NCOR2: variants seen among roughly 807,000 people sequenced by gnomAD.
The protein encoded by NCOR2 is nuclear receptor corepressor 2, also known as CTG repeat protein 26.
Under a neutral mutation model 262.9 loss-of-function variants are expected in NCOR2, and 81 were observed. That is an observed-to-expected ratio of 0.31 (90% CI 0.26 to 0.37). The LOEUF (loss-of-function observed/expected upper bound fraction) is 0.37, where lower values mean the gene tolerates loss of function less well. NCOR2 is among the 10% of genes least tolerant of loss of function. NCOR2 has a pLI of 1.00. For missense variants in NCOR2, 3,385 were observed against 3,621.4 expected (o/e 0.93, Z 1.68); for synonymous variants, 1,659 against 1,559.3 (o/e 1.06, Z -1.51).
intron 28 of NCOR2, chr12:124,348,782 G>A (rs1170864312): frequency 5.7e-6 from 1 of 175,942 alleles, no homozygotes; most frequent in Non-Finnish European, 1.2e-5. Flanking sequence ...ATGTGTGGCA[G>A]GCAGCAGCAC....
chr12:124,437,805 C>A, intron 8 of NCOR2, 125 bp downstream of exon 10: 1 of 918,076 alleles, frequency 1.1e-6, no homozygotes, highest in Non-Finnish European at 1.6e-6. Flanking sequence ...TTTTCCTCCG[C>A]AGCCTGGACA....
At chr12:124,356,869 T>G in intron 22 of NCOR2, 87 bp from the exon 25 acceptor site, 1 of 1,380,856 alleles carries the variant, frequency 7.2e-7, no homozygotes, top group Non-Finnish European at 9.4e-7. Flanking sequence ...ACAAATGGCC[T>G]TCCTGCACCC....
chr12:124,334,719 G>T, intron 40 of NCOR2, 102 bp from the exon 43 acceptor site: 1 of 636,882 alleles, frequency 1.6e-6, no homozygotes, highest in South Asian at 2.2e-5. Context: ...AATCCTGGGT[G>T]GGGCCAGCTT....
chr12:124,550,984 C>T (rs2051697149), intron 1 of NCOR2, among the ~76,000 whole-genome samples: 1 of 152,256 alleles, frequency 6.6e-6, no homozygotes, highest in Non-Finnish European at 1.5e-5. Flanking sequence ...CAAAATACTA[C>T]AAGAAGTTAA....
chr12:124,542,915 G>A (rs2051419248), intron 1 of NCOR2: 1 of 152,278 alleles, frequency 6.6e-6, no homozygotes, highest in Admixed American at 6.5e-5. Context: ...GCCGGGATAT[G>A]TTTTCCTTCT....
chr12:124,548,693 T>G lies in NCOR2; in HGVS notation c.-164-13082A>C, dbSNP rs1594054875. ...GGGGCGGGGGATCTCCATGGCAGGG[T>G]CCCCACCCCAGGGATGTTTTTGGCT... is the stretch of plus-strand genomic sequence containing the variant. On this transcript the variant is annotated intron_variant, in intron 1 of 32. Coordinates refer to the NCOR2 transcript ENST00000458234. The surrounding 1 kb of genome is among the most constrained non-coding windows in gnomAD (Gnocchi z 5.1). Among the ~76,000 whole-genome samples the G allele has an allele frequency of 6.6e-6, 1 of 151,926 alleles. No individual in the cohort carries two copies. Among genetic ancestry groups the G allele is most frequent in the Non-Finnish European group, 1.5e-5 (1 of 67,974 alleles).
intron 8 of NCOR2, among the ~76,000 whole-genome samples, chr12:124,433,618 G>A (rs1178187975): frequency 6.6e-6 from 1 of 152,152 alleles, no homozygotes; most frequent in East Asian, 1.9e-4. Context: ...CCAGAACAAG[G>A]AAGTCCCCCT....
chr12:124,492,276 C>T (rs1024975021), intron 1 of NCOR2, among the ~76,000 whole-genome samples: 1 of 152,206 alleles, frequency 6.6e-6, no homozygotes, highest in Non-Finnish European at 1.5e-5. Flanking sequence ...CACCGATGCA[C>T]AGACCCACCA....
chr12:124,557,963 C>A (rs770408109), intron 1 of NCOR2, among the ~76,000 whole-genome samples: 12 of 152,148 alleles, frequency 7.9e-5, no homozygotes, highest in Non-Finnish European at 1.6e-4. Context: ...CTGGCCCAGC[C>A]TAGGGAAAAG....
chr12:124,521,272 G>T (rs1034834556), intron 1 of NCOR2, among the ~76,000 whole-genome samples: 1 of 152,234 alleles, frequency 6.6e-6, no homozygotes, highest in African/African-American at 2.4e-5. Context: ...GGGGGCAGGA[G>T]AAAGAGACAG....
intron 37 of NCOR2, among the ~76,000 whole-genome samples, chr12:124,337,914 G>C (rs2036030685): frequency 6.6e-6 from 1 of 152,222 alleles, no homozygotes; most frequent in South Asian, 2.1e-4. Context: ...CCTCATTCAT[G>C]AGCGGGCAGT....
At chr12:124,470,405 A>G (rs946985649) in intron 4 of NCOR2, among the ~76,000 whole-genome samples, 2 of 152,204 alleles carry the variant, frequency 1.3e-5, no homozygotes, top group Non-Finnish European at 2.9e-5. Context: ...CTTCAACACA[A>G]ATGTTCAACA....
intron 4 of NCOR2, among the ~76,000 whole-genome samples, chr12:124,471,011 G>C (rs2046804069): frequency 6.6e-6 from 1 of 152,204 alleles, no homozygotes; most frequent in African/African-American, 2.4e-5. Context: ...GGCAATGCCT[G>C]CCCACGCCGC....
rs2045937713 is a variant in NCOR2 at position 124,457,420 on chromosome 12, A to G, written c.706-258T>C. Among the ~76,000 whole-genome samples the G allele has an allele frequency of 6.6e-6, 1 of 152,044 alleles. No individual in the cohort carries two copies. Among genetic ancestry groups the G allele is most frequent in the African/African-American group, 2.4e-5 (1 of 41,406 alleles). Reference sequence around the variant, plus strand: ...TTAGCAAATGCGCCGGGTCCACTGAAGCCTGCTCCCCGGCAGGCGCGCAGG... The same window carrying G: ...TTAGCAAATGCGCCGGGTCCACTGAGGCCTGCTCCCCGGCAGGCGCGCAGG... On this transcript the variant is annotated intron_variant, in intron 5 of 46. Transcript: ENST00000405201. This position sits in a 1 kb window ranked among gnomAD's most constrained non-coding sequence, Gnocchi z 4.0.
In NCOR2 at chr12:124,432,860, G is replaced by A. The variant is rs1043764961; in HGVS notation, c.883-2073C>T. 2.0e-5 allele frequency among the ~76,000 whole-genome samples: 3 copies of A among 151,280 alleles called. No homozygotes were observed. The highest frequency in any genetic ancestry group is 3.4e-3 in the Middle Eastern group (1 of 292). ...CAAGGTGACTTGAGCAAGTGGCGGC[G>A]GGGGGCGGGGGGTGGGGGCGGGGAA... On this transcript the variant is annotated intron_variant, in intron 8 of 46. Coordinates refer to ENST00000405201, the Ensembl canonical transcript of NCOR2. This position sits in a 1 kb window ranked among gnomAD's most constrained non-coding sequence, Gnocchi z 5.1.
rs137865770 is a variant in NCOR2 at position 124,447,063 on chromosome 12, C to T, written c.815+2752G>A. On this transcript the variant is annotated intron_variant, in intron 7 of 46. Coordinates refer to ENST00000405201, the Ensembl canonical transcript of NCOR2. ...CTGAGTAGCTGGGACTACAGGTACA[C>T]GCCACCACAGCCGGCTAATTTTTGT... Among the ~76,000 whole-genome samples, 1,131 of 152,244 alleles carry T rather than the reference C, an allele frequency of 7.4e-3. 16 individuals carry two copies. The highest frequency in any genetic ancestry group is 0.026 in the African/African-American group (1,063 of 41,514).
At chr12:124,396,789 C>G (rs1032858557) in intron 16 of NCOR2, among the ~76,000 whole-genome samples, 3 of 152,142 alleles carry the variant, frequency 2.0e-5, no homozygotes, top group African/African-American at 4.8e-5. Flanking sequence ...CAGCACCCCC[C>G]ACAACTACAG....
At position 124,449,877 on chromosome 12, in the gene NCOR2, G is replaced by C. The variant is rs764834888; in HGVS notation, c.763-10C>G. Reference sequence around the variant, plus strand: ...GCTGGTTGTACAGCGGCTGCAAAGGGAGAGAGAGAAGCACATCAGAGCCTG... The same window carrying C: ...GCTGGTTGTACAGCGGCTGCAAAGGCAGAGAGAGAAGCACATCAGAGCCTG... On this transcript the variant is annotated splice_polypyrimidine_tract_variant and intron_variant, in intron 6 of 46. Transcript: ENST00000405201. 3.7e-6 allele frequency: 6 copies of C among 1,612,746 alleles called. No homozygotes were observed. Among genetic ancestry groups the C allele is most frequent in the Non-Finnish European group, 5.1e-6 (6 of 1,179,158 alleles).
At position 124,432,811 on chromosome 12, in the gene NCOR2, A is replaced by G. The variant is rs2044044115; in HGVS notation, c.883-2024T>C. ...AAGAGATCCCCAATCAGCCCAGAGC[A>G]TAGCTGCCTGGCTTCCACATCTCCA... On this transcript the variant is annotated intron_variant, in intron 8 of 46. Transcript: ENST00000405201. The surrounding 1 kb of genome is among the most constrained non-coding windows in gnomAD (Gnocchi z 5.1). Among the ~76,000 whole-genome samples the G allele has an allele frequency of 7.2e-6, 1 of 138,098 alleles. No homozygotes were observed. 90.6% of individuals were successfully genotyped at this position (138,098 alleles called of 152,430 possible).
Sources: gnomAD v4.1 joint callset for allele counts (sites outside exome capture counted in the v4.1 genomes callset) on GRCh38, gnomAD v4.1.1 for gene constraint, Gnocchi (gnomAD v3.1) non-coding constraint, MANE v1.5 for transcripts, NCBI Gene and HGNC (gene_info 2026-07-23, HGNC 2026-07-21) for gene names.